The following SLC1A4 variants were observed in gnomAD, a reference collection of about 807,000 sequenced individuals.
The protein encoded by SLC1A4 is neutral amino acid transporter A.
Under a neutral mutation model 37.7 loss-of-function variants are expected in SLC1A4, and 19 were observed. The observed-to-expected ratio is 0.50, with a 90% CI of 0.35 to 0.74. The LOEUF (loss-of-function observed/expected upper bound fraction) is 0.74, where lower values mean the gene tolerates loss of function less well. Ranked by LOEUF, SLC1A4 falls within the 30% of genes least tolerant of loss-of-function variation. The pLI is 0.01. For missense variants in SLC1A4, 570 were observed against 712.9 expected, an observed-to-expected ratio of 0.80 and a Z score of 2.28; for synonymous variants, 299 against 309.8, an observed-to-expected ratio of 0.97 and a Z score of 0.37.
intron 4 of SLC1A4, among the ~76,000 whole-genome samples, chr2:65,015,843 T>C (rs1322143568): frequency 6.6e-6 from 1 of 152,270 alleles, no homozygotes; most frequent in Non-Finnish European, 1.5e-5. Context: ...TTTTGTTCTT[T>C]GTAGCTCCCA....
chr2:65,016,698 C>G (rs767312943), intron 5 of SLC1A4, 25 bp downstream of exon 5: 13 of 1,482,088 alleles, frequency 8.8e-6, no homozygotes, highest in Non-Finnish European at 1.2e-5. Flanking sequence ...GGTCTCTTCA[C>G]TGCTCTGAGC....
intron 3 of SLC1A4, among the ~76,000 whole-genome samples, chr2:65,010,014 C>T (rs1673853525): frequency 6.6e-6 from 1 of 152,056 alleles, no homozygotes; most frequent in Non-Finnish European, 1.5e-5. Flanking sequence ...TCACTGCAAC[C>T]TCTGCCTCCT....
intron 1 of SLC1A4, among the ~76,000 whole-genome samples, chr2:64,996,208 A>G (rs913788705): frequency 3.9e-5 from 6 of 152,176 alleles, no homozygotes; most frequent in Non-Finnish European, 7.4e-5. Flanking sequence ...CAACTCCCAC[A>G]TACTCAAACC....
chr2:65,007,264 G>GTGTGTT (rs372621106), intron 3 of SLC1A4, among the ~76,000 whole-genome samples: 1 of 123,936 alleles, frequency 8.1e-6, no homozygotes, highest in African/African-American at 2.5e-5. Flanking sequence ...GATAGGAAGA[G>GTGTGTT]TGTGTTTGTG....
intron 1 of SLC1A4, among the ~76,000 whole-genome samples, chr2:64,998,279 G>A (rs1249639164): frequency 6.6e-6 from 1 of 151,156 alleles, no homozygotes; most frequent in Non-Finnish European, 1.5e-5. Context: ...AAATTAGCCG[G>A]GCGTGGTGGT....
At position 65,002,304 on chromosome 2, in the gene SLC1A4, TAATAA is replaced by T. The variant is rs869037651; in HGVS notation, c.570+821_570+825del. ...CAAAATAAATAAATAAATAAATAAA[TAATAA>T]AATAAAGATAAGCATACATAGTATG... On this transcript the variant is annotated intron_variant, in intron 2 of 7. Coordinates refer to ENST00000234256, the MANE Select transcript of SLC1A4 (RefSeq NM_003038.5). Among the ~76,000 whole-genome samples the T allele has an allele frequency of 4.0e-5, 6 of 149,002 alleles. 1 individual carries two copies. Among genetic ancestry groups the T allele is most frequent in the African/African-American group, 1.5e-4 (6 of 40,518 alleles).
intron 2 of SLC1A4, among the ~76,000 whole-genome samples, chr2:65,003,262 G>A (rs1673547551): frequency 6.6e-6 from 1 of 152,140 alleles, no homozygotes. Flanking sequence ...CCTTCGAAGG[G>A]GCCAGGAAGG....
At chr2:65,004,787 T>G (rs990639202) in intron 3 of SLC1A4, among the ~76,000 whole-genome samples, 3 of 152,194 alleles carry the variant, frequency 2.0e-5, no homozygotes, top group Non-Finnish European at 2.9e-5. Context: ...ATACTTGCAT[T>G]TACTTAGAAT....
chr2:65,001,345 T>A lies in SLC1A4; in HGVS notation c.528-103T>A, dbSNP rs1673451189. ...TGAGCCCAAAAGTTCAAGGCTGCAGTGAGCTGCAATCACACCACTGCACTC... is the reference window on the plus strand; with the variant it reads ...TGAGCCCAAAAGTTCAAGGCTGCAGAGAGCTGCAATCACACCACTGCACTC... On this transcript the variant is annotated intron_variant, in intron 1 of 7. Coordinates refer to ENST00000234256, the MANE Select transcript of SLC1A4 (RefSeq NM_003038.5). 3 of 1,024,092 alleles carry A rather than the reference T, an allele frequency of 2.9e-6. No homozygotes were observed. In the Admixed American group the frequency reaches 5.5e-5, roughly 19 times the overall value. 63.4% of individuals were successfully genotyped at this position (1,024,092 alleles called of 1,614,324 possible).
Position 65,005,437 on chromosome 2 carries a change from G to A in SLC1A4, c.633+1422G>A, listed in dbSNP as rs1219062296. ...ACTTCACTCTGTCTGGCCAGAGGAC[G>A]TGGCTGGACGTCCAACTGGGCCCCT... On this transcript the variant is annotated intron_variant, in intron 3 of 7. Coordinates refer to ENST00000234256, the MANE Select transcript of SLC1A4 (RefSeq NM_003038.5). 2.0e-5 allele frequency among the ~76,000 whole-genome samples: 3 copies of A among 152,218 alleles called. No homozygotes were observed. In the East Asian group the frequency reaches 5.8e-4, roughly 29 times the overall value.
At chr2:64,996,930 A>G (rs1673277231) in intron 1 of SLC1A4, among the ~76,000 whole-genome samples, 1 of 152,204 alleles carries the variant, frequency 6.6e-6, no homozygotes, top group South Asian at 2.1e-4. Context: ...TGTTTGCCAG[A>G]GAGGCAGCTG....
At chr2:65,011,742 T>G (rs1322222164) in intron 4 of SLC1A4, among the ~76,000 whole-genome samples, 1 of 152,192 alleles carries the variant, frequency 6.6e-6, no homozygotes. Flanking sequence ...TCCTGCTGTT[T>G]TACCCAAACC....
intron 1 of SLC1A4, 30 bp downstream of exon 1, chr2:64,990,200 G>A (rs1673001592): frequency 6.5e-7 from 1 of 1,538,232 alleles, no homozygotes; most frequent in Non-Finnish European, 8.8e-7. Context: ...CCAGGGCCCA[G>A]TGGGAGACGC....
rs1338673796 is a variant in SLC1A4, at chr2:65,022,400, G to A, written c.*1254G>A. On this transcript the variant is annotated 3_prime_UTR_variant, in exon 8 of 8. Transcript: ENST00000234256. ...CATATTCGTGATGTAACAGGTCCTG[G>A]GGCCTCACTTTACCCCATTTGTAAA... is the stretch of plus-strand genomic sequence containing the variant. 6.6e-6 allele frequency: 1 copy of A among 152,212 alleles called. No individual in the cohort carries two copies. Among genetic ancestry groups the A allele is most frequent in the East Asian group, 1.9e-4 (1 of 5,202 alleles). 9.4% of individuals were successfully genotyped at this position (152,212 alleles called of 1,614,324 possible).
At chr2:65,017,401 G>A (rs1008673547) in intron 5 of SLC1A4, among the ~76,000 whole-genome samples, 9 of 151,640 alleles carry the variant, frequency 5.9e-5, no homozygotes, top group South Asian at 4.1e-4. Flanking sequence ...TTCAAAGGAC[G>A]GCAGCACGTC....
chr2:64,998,240 A>AAAATAAAT (rs70937393), intron 1 of SLC1A4, among the ~76,000 whole-genome samples: 4 of 145,538 alleles, frequency 2.7e-5, no homozygotes, highest in Non-Finnish European at 6.0e-5. Flanking sequence ...CCGTCTCAGA[A>AAAATAAAT]AAATAAATAA....
intron 1 of SLC1A4, among the ~76,000 whole-genome samples, chr2:64,994,476 T>C (rs1673175945): frequency 2.0e-5 from 3 of 152,256 alleles, no homozygotes; most frequent in Admixed American, 2.0e-4. Context: ...AGTAGCATAG[T>C]AGGGTGTGGC....
chr2:65,003,321 AC>A (rs1225172854), intron 2 of SLC1A4, among the ~76,000 whole-genome samples: 1 of 152,228 alleles, frequency 6.6e-6, no homozygotes, highest in African/African-American at 2.4e-5. Flanking sequence ...ACAGGCAGAC[AC>A]CTATGTGCAC....
chr2:65,004,735 G>A (rs1673612535), intron 3 of SLC1A4, among the ~76,000 whole-genome samples: 1 of 152,062 alleles, frequency 6.6e-6, no homozygotes, highest in African/African-American at 2.4e-5. Flanking sequence ...ATTTTACCAT[G>A]TAAATATACA....
Sources: allele counts gnomAD v4.1 joint callset (sites outside exome capture counted in the v4.1 genomes callset), GRCh38; gene constraint gnomAD v4.1.1; transcripts MANE v1.5; gene names NCBI Gene and HGNC (gene_info 2026-07-23, HGNC 2026-07-21).